Variants in AKAP5 observed in about 807,000 individuals in gnomAD.
AKAP5 encodes the protein A-kinase anchoring protein 5.
A neutral mutation model predicts 13.8 loss-of-function variants in AKAP5; 5 were observed. The observed-to-expected ratio is 0.36, with a 90% CI of 0.19 to 0.76. The LOEUF (loss-of-function observed/expected upper bound fraction) is 0.76, where lower values mean the gene tolerates loss of function less well. Among genes scored for constraint, AKAP5 ranks in the 30% least tolerant of loss-of-function variants. The pLI is 0.51. For synonymous variants in AKAP5, 148 were observed against 167.2 expected (o/e 0.89, Z 0.89); for missense variants, 406 against 484.4 (o/e 0.84, Z 1.52).
In AKAP5 at chr14:64,469,604, A is replaced by T. The variant is rs1473292889; in HGVS notation, c.1210A>T (p.Ile404Phe). ...ETASSLVKNA[I>F]QLSIEQLVNE... ...AGCCTCTTCTCTAGTCAAGAATGCTATTCAGTTGTCAATAGAACAGCTGGT... is the reference window on the plus strand; with the variant it reads ...AGCCTCTTCTCTAGTCAAGAATGCTTTTCAGTTGTCAATAGAACAGCTGGT... Residue 404 changes from isoleucine to phenylalanine, a missense_variant, in exon 2 of 2, where the codon ATT (isoleucine) becomes TTT (phenylalanine). Coordinates refer to ENST00000394718, the MANE Select transcript of AKAP5 (RefSeq NM_004857.3). 1 of 1,612,560 alleles carries T rather than the reference A, an allele frequency of 6.2e-7. No individual in the cohort carries two copies. The highest frequency in any genetic ancestry group is 8.5e-7 in the Non-Finnish European group (1 of 1,179,550).
chr14:64,470,175 C>T lies in AKAP5; in HGVS notation c.*497C>T, dbSNP rs571622249. The T allele has an allele frequency of 6.0e-6, 1 of 167,352 alleles. No homozygotes were observed. Among genetic ancestry groups the T allele is most frequent in the South Asian group, 2.1e-4 (1 of 4,832 alleles). The allele number at this position is 167,352 out of a possible 1,614,324, so 10.4% of individuals were successfully genotyped here. On this transcript the variant is annotated 3_prime_UTR_variant, in exon 2 of 2. Coordinates refer to ENST00000394718, the MANE Select transcript of AKAP5 (RefSeq NM_004857.3). ...TTGTGAATGTGATTTGTAATTGTTA[C>T]ATTCCTAAGCAGCAGGCTTAACTCA...
chr14:64,469,308 A>C lies in AKAP5; in HGVS notation c.914A>C (p.Lys305Thr). The change falls in exon 2 of 2, where the codon AAG (lysine) becomes ACG (threonine). Residue 305 changes from lysine (K) to threonine (T), a missense_variant. Transcript: ENST00000394718. ...ESTEIVAEETKPKDTELSQES... is the reference protein window; with the variant it reads ...ESTEIVAEETTPKDTELSQES... The stretch of plus-strand genomic sequence containing the variant: ...ACAGAGATTGTAGCTGAAGAAACTA[A>C]GCCAAAAGATACTGAATTGAGCCAA... 1.9e-6 allele frequency: 3 copies of C among 1,613,344 alleles called. No individual in the cohort carries two copies. Among genetic ancestry groups the C allele is most frequent in the South Asian group, 2.2e-5 (2 of 90,858 alleles).
Position 64,468,242 on chromosome 14 carries a change from C to G in AKAP5, c.-153C>G. The G allele has an allele frequency of 1.7e-6, 1 of 601,924 alleles. No individual in the cohort carries two copies. Among genetic ancestry groups the G allele is most frequent in the Non-Finnish European group, 2.7e-6 (1 of 368,528 alleles). 37.3% of individuals were successfully genotyped at this position (601,924 alleles called of 1,614,324 possible). A position where few individuals can be genotyped will look rare whatever the true frequency, so the allele number is the denominator to read the frequency against. On this transcript the variant is annotated 5_prime_UTR_variant, in exon 2 of 2. Transcript: ENST00000394718. ...CTGGGCATTTCTATACTAGAGAAAC[C>G]ACCTAAAACAACTGTATGGAGTAAG...
chr14:64,466,979 AC>A (rs1416427229), intron 1 of AKAP5: 15 of 152,200 alleles, frequency 9.9e-5, no homozygotes. Flanking sequence ...TAGTTCCTGA[AC>A]CAAAAAAATA....
In AKAP5 at chr14:64,472,026, G is replaced by A. The variant is rs1001166263; in HGVS notation, c.*2348G>A. 3.6e-5 allele frequency: 6 copies of A among 166,362 alleles called. No homozygotes were observed. Among genetic ancestry groups the A allele is most frequent in the East Asian group, 1.9e-4 (1 of 5,202 alleles). The allele number at this position is 166,362 out of a possible 1,614,324, so 10.3% of individuals were successfully genotyped here. ...TTTCCTACCTTCATGCTTATAATCC[G>A]GGGAGGAGGGTGGAAATCCTGAGCA... On this transcript the variant is annotated 3_prime_UTR_variant, in exon 2 of 2. Coordinates refer to ENST00000394718, the MANE Select transcript of AKAP5 (RefSeq NM_004857.3).
In AKAP5 at chr14:64,469,363, T is replaced by C; in HGVS notation, c.969T>C (p.Thr323=). The C allele has an allele frequency of 6.2e-7, 1 of 1,614,068 alleles. No homozygotes were observed. Residue 323 remains threonine (T), a synonymous_variant, in exon 2 of 2, where the codon ACT becomes ACC. Transcript: ENST00000394718. ...QESDFKENGI[T]EEKSKSEESK... Reference sequence around the variant, plus strand: ...CAGATTTTAAAGAAAATGGGATCACTGAAGAGAAATCCAAATCAGAAGAAA... The same window carrying C: ...CAGATTTTAAAGAAAATGGGATCACCGAAGAGAAATCCAAATCAGAAGAAA...
chr14:64,469,298 G>A lies in AKAP5; in HGVS notation c.904G>A (p.Glu302Lys). 2 of 1,613,164 alleles carry A rather than the reference G, an allele frequency of 1.2e-6. No individual in the cohort carries two copies. Among genetic ancestry groups the A allele is most frequent in the Non-Finnish European group, 8.5e-7 (1 of 1,179,856 alleles). ...CTATGAAAGTACAGAGATTGTAGCT[G>A]AAGAAACTAAGCCAAAAGATACTGA... ...KDYESTEIVA[E>K]ETKPKDTELS... The change falls in exon 2 of 2, where the codon GAA (glutamate) becomes AAA (lysine). Residue 302 changes from glutamate to lysine, a missense_variant. Coordinates refer to ENST00000394718, the MANE Select transcript of AKAP5 (RefSeq NM_004857.3).
At position 64,465,518 on chromosome 14, in the gene AKAP5, G is replaced by A. The variant is rs1393501165; in HGVS notation, c.-359G>A. 2 of 152,140 alleles carry A rather than the reference G, an allele frequency of 1.3e-5. No homozygotes were observed. Among genetic ancestry groups the A allele is most frequent in the East Asian group, 3.9e-4 (2 of 5,166 alleles). The allele number at this position is 152,140 out of a possible 1,614,324, so 9.4% of individuals were successfully genotyped here. ...GGCTCTGCAGAGGGCGCCTTGCTCC[G>A]GGTGCGACCGCGGCTCCCTGGAGGC... is the stretch of plus-strand genomic sequence containing the variant. On this transcript the variant is annotated 5_prime_UTR_variant, in exon 1 of 2. Coordinates refer to ENST00000394718, the MANE Select transcript of AKAP5 (RefSeq NM_004857.3).
chr14:64,467,695 T>C (rs974339983), intron 1 of AKAP5: 2 of 152,078 alleles, frequency 1.3e-5, no homozygotes, highest in Non-Finnish European at 2.9e-5. Context: ...AGTTCAGTTT[T>C]GTCATCTGGC....
At position 64,468,469 on chromosome 14, in the gene AKAP5, T is replaced by G. The variant is rs763064052; in HGVS notation, c.75T>G (p.Ala25=). Reference sequence around the variant, plus strand: ...GATCAGCAGAAGGTAGTCCTGGGGCTGAAAGGCAGAAGGAAAAGGCATCCA... The same window carrying G: ...GATCAGCAGAAGGTAGTCCTGGGGCGGAAAGGCAGAAGGAAAAGGCATCCA... ...EKRSAEGSPG[A]ERQKEKASML... Residue 25 remains alanine, a synonymous_variant, in exon 2 of 2, where the codon GCT becomes GCG. Transcript: ENST00000394718. The G allele has an allele frequency of 1.1e-5, 17 of 1,614,074 alleles. No homozygotes were observed. The South Asian group carries it at 1.8e-4, about 17-fold the overall frequency.
At position 64,468,623 on chromosome 14, in the gene AKAP5, G is replaced by C. The variant is rs1392119937; in HGVS notation, c.229G>C (p.Gly77Arg). 6.2e-7 allele frequency: 1 copy of C among 1,613,882 alleles called. No homozygotes were observed. Among genetic ancestry groups the C allele is most frequent in the Non-Finnish European group, 8.5e-7 (1 of 1,179,994 alleles). Residue 77 changes from glycine to arginine, a missense_variant, in exon 2 of 2, where the codon GGG becomes CGG. Transcript: ENST00000394718. Reference protein sequence around the residue: ...GASDQPEPTRGAWASLKRLVT... With the variant: ...GASDQPEPTRRAWASLKRLVT... Reference sequence around the variant, plus strand: ...TTCTGATCAGCCAGAGCCCACACGGGGGGCCTGGGCCTCACTCAAACGTCT... The same window carrying C: ...TTCTGATCAGCCAGAGCCCACACGGCGGGCCTGGGCCTCACTCAAACGTCT...
chr14:64,469,934 T>C lies in AKAP5; in HGVS notation c.*256T>C, dbSNP rs3742609. 25,842 of 333,554 alleles carry C rather than the reference T, an allele frequency of 0.077. 1,215 individuals are homozygous for C. The highest frequency in any genetic ancestry group is 0.17 in the East Asian group (3,076 of 17,788). The allele number at this position is 333,554 out of a possible 1,614,324, so 20.7% of individuals were successfully genotyped here. A position where few individuals can be genotyped will look rare whatever the true frequency, so the allele number is the denominator to read the frequency against. On this transcript the variant is annotated 3_prime_UTR_variant, in exon 2 of 2. Coordinates refer to ENST00000394718, the MANE Select transcript of AKAP5 (RefSeq NM_004857.3). ...CATAACATACAGGGAGTTGCTAAAA[T>C]GGCATATGGAGATTGGAGTGCTTTG...
chr14:64,468,793 A>T lies in AKAP5; in HGVS notation c.399A>T (p.Pro133=). The T allele has an allele frequency of 6.2e-7, 1 of 1,614,170 alleles. No individual in the cohort carries two copies. Among genetic ancestry groups the T allele is most frequent in the Non-Finnish European group, 8.5e-7 (1 of 1,180,040 alleles). ...SRLKIPCIKF[P]RGPKRSNHSK... ...TTAAGATTCCCTGCATAAAATTCCC[A>T]AGAGGGCCAAAAAGGAGTAATCATT... The change falls in exon 2 of 2, where the codon CCA becomes CCT. Residue 133 remains proline (P), a synonymous_variant. Coordinates refer to ENST00000394718, the MANE Select transcript of AKAP5 (RefSeq NM_004857.3).
Position 64,470,988 on chromosome 14 carries a change from C to T in AKAP5, c.*1310C>T, listed in dbSNP as rs554724343. ...ATAATCTAGTGCAAATATTTATTCT[C>T]GGCCAAAAATGAGCCATGAATGTGG... On this transcript the variant is annotated 3_prime_UTR_variant, in exon 2 of 2. Transcript: ENST00000394718. The T allele has an allele frequency of 1.0e-3, 173 of 166,920 alleles. 3 individuals carry two copies. The highest frequency in any genetic ancestry group is 3.7e-3 in the Admixed American group (56 of 15,278). The allele number at this position is 166,920 out of a possible 1,614,324, so 10.3% of individuals were successfully genotyped here. A position where few individuals can be genotyped will look rare whatever the true frequency, so the allele number is the denominator to read the frequency against.
At position 64,473,732 on chromosome 14, in the gene AKAP5, CTGA is replaced by C. The variant is rs1038493074; in HGVS notation, c.*4056_*4058del. 1 of 166,902 alleles carries C rather than the reference CTGA, an allele frequency of 6.0e-6. No homozygotes were observed. Among genetic ancestry groups the C allele is most frequent in the Admixed American group, 6.5e-5 (1 of 15,268 alleles). The allele number at this position is 166,902 out of a possible 1,614,324, so 10.3% of individuals were successfully genotyped here. A position where few individuals can be genotyped will look rare whatever the true frequency, so the allele number is the denominator to read the frequency against. Reference sequence around the variant, plus strand: ...TATGTAGTCTACTTTCTAATTTCATCTGATAATATAGCAGGATTTGATTTTTCT... The same window carrying C: ...TATGTAGTCTACTTTCTAATTTCATCTAATATAGCAGGATTTGATTTTTCT... On this transcript the variant is annotated 3_prime_UTR_variant, in exon 2 of 2. Coordinates refer to ENST00000394718, the MANE Select transcript of AKAP5 (RefSeq NM_004857.3).
rs754390366 is a variant in AKAP5 at position 64,468,962 on chromosome 14, G to A, written c.568G>A (p.Asp190Asn). 3.0e-5 allele frequency: 48 copies of A among 1,614,108 alleles called. No homozygotes were observed. The highest frequency in any genetic ancestry group is 3.9e-5 in the Non-Finnish European group (46 of 1,180,046). The change falls in exon 2 of 2, where the codon GAT becomes AAT. Residue 190 changes from aspartate (D) to asparagine (N), a missense_variant. Transcript: ENST00000394718. ...TCTAAGTGAAGGCATCTCACGGAAA[G>A]ATGGTGATGAGGTCTGTGAATCAAA... ...QDLSEGISRK[D>N]GDEVCESNVS...
At chr14:64,467,431 T>C (rs1000765354) in intron 1 of AKAP5, 10 of 152,182 alleles carry the variant, frequency 6.6e-5, no homozygotes, top group Non-Finnish European at 1.5e-4. Context: ...TGGAAACATG[T>C]GATACAGCAG....
rs1258058241 is a variant in AKAP5 at position 64,473,193 on chromosome 14, A to C, written c.*3515A>C. 1 of 167,212 alleles carries C rather than the reference A, an allele frequency of 6.0e-6. No homozygotes were observed. Among genetic ancestry groups the C allele is most frequent in the East Asian group, 1.9e-4 (1 of 5,194 alleles). The allele number at this position is 167,212 out of a possible 1,614,324, so 10.4% of individuals were successfully genotyped here. ...AAAGCACTTTATAGGATATAAAAATAGTACCCGGTAACATTTAAGTAAAGG... is the reference window on the plus strand; with the variant it reads ...AAAGCACTTTATAGGATATAAAAATCGTACCCGGTAACATTTAAGTAAAGG... On this transcript the variant is annotated 3_prime_UTR_variant, in exon 2 of 2. Coordinates refer to ENST00000394718, the MANE Select transcript of AKAP5 (RefSeq NM_004857.3).
rs1013871927 is a variant in AKAP5 at position 64,473,803 on chromosome 14, T to G, written c.*4125T>G. The G allele has an allele frequency of 6.6e-5, 11 of 167,036 alleles. No individual in the cohort carries two copies. The highest frequency in any genetic ancestry group is 4.6e-4 in the Admixed American group (7 of 15,296). The allele number at this position is 167,036 out of a possible 1,614,324, so 10.3% of individuals were successfully genotyped here. A position where few individuals can be genotyped will look rare whatever the true frequency, so the allele number is the denominator to read the frequency against. Reference sequence around the variant, plus strand: ...TTAAAAAAAAATCCTCATTTAAGATTTAGAGTTCTTTAGGTTCAAATTCCT... The same window carrying G: ...TTAAAAAAAAATCCTCATTTAAGATGTAGAGTTCTTTAGGTTCAAATTCCT... On this transcript the variant is annotated 3_prime_UTR_variant, in exon 2 of 2. Coordinates refer to ENST00000394718, the MANE Select transcript of AKAP5 (RefSeq NM_004857.3).
Sources: gnomAD v4.1 joint callset for allele counts on GRCh38, gnomAD v4.1.1 for gene constraint, MANE v1.5 for transcripts, NCBI Gene and HGNC (gene_info 2026-07-23, HGNC 2026-07-21) for gene names.